The following COL4A6 variants were observed in gnomAD, a reference collection of about 807,000 sequenced individuals.
COL4A6 encodes collagen alpha-6(IV) chain.
Under a neutral mutation model 126.7 loss-of-function variants are expected in COL4A6, and 59 were observed. That is an observed-to-expected ratio of 0.47 (90% CI 0.38 to 0.58). The LOEUF (loss-of-function observed/expected upper bound fraction) is 0.58, where lower values mean the gene tolerates loss of function less well. Among genes scored for constraint, COL4A6 ranks in the 20% least tolerant of loss-of-function variants. COL4A6 has a pLI of 0.00. For missense variants in COL4A6, 1,285 were observed against 1,337.3 expected, an observed-to-expected ratio of 0.96 and a Z score of 0.61; for synonymous variants, 547 against 496.6, an observed-to-expected ratio of 1.10 and a Z score of -1.35.
chrX:108,218,497 C>T (rs778512372), intron 5 of COL4A6, among the ~76,000 whole-genome samples: 12 of 112,190 alleles, frequency 1.1e-4, no homozygotes, highest in African/African-American at 2.3e-4. Flanking sequence ...GCAACAGATA[C>T]GAGGTAAGTG....
At chrX:108,269,015 T>C (rs1022782977) in intron 3 of COL4A6, 1 of 317,760 alleles carries the variant, frequency 3.1e-6, no homozygotes, top group African/African-American at 2.7e-5. Flanking sequence ...CATAGAAGTA[T>C]GGGGAAAGAG....
At chrX:108,251,786 A>G (rs1036083198) in intron 3 of COL4A6, among the ~76,000 whole-genome samples, 4 of 111,851 alleles carry the variant, frequency 3.6e-5, no homozygotes, top group African/African-American at 1.3e-4. Flanking sequence ...TCTACAGTGT[A>G]TGGTTATGAC....
intron 9 of COL4A6, 69 bp from the exon 10 acceptor site, chrX:108,205,764 TGA>T: frequency 1.1e-6 from 1 of 912,803 alleles, no homozygotes; most frequent in Non-Finnish European, 1.6e-6. Context: ...CACGGCATGT[TGA>T]GAGTCACTCC....
At chrX:108,295,346 T>A (rs1045131656) in intron 3 of COL4A6, among the ~76,000 whole-genome samples, 5 of 112,104 alleles carry the variant, frequency 4.5e-5, no homozygotes, top group Non-Finnish European at 5.6e-5. Context: ...AGATGGATAC[T>A]GAAGGATCTT....
At chrX:108,218,477 G>A (rs182897938) in intron 5 of COL4A6, among the ~76,000 whole-genome samples, 6 of 112,489 alleles carry the variant, frequency 5.3e-5, no homozygotes, top group African/African-American at 1.6e-4. Flanking sequence ...TGGCCGATTT[G>A]TTGATACATG....
At chrX:108,332,660 C>T (rs1238531656) in intron 2 of COL4A6, among the ~76,000 whole-genome samples, 1 of 110,619 alleles carries the variant, frequency 9.0e-6, no homozygotes, top group African/African-American at 3.3e-5. Flanking sequence ...TTGAAAAAAT[C>T]ATTTGTTCAT....
intron 2 of COL4A6, among the ~76,000 whole-genome samples, chrX:108,381,858 C>T (rs16985465): frequency 0.079 from 8,789 of 110,848 alleles, 760 homozygotes; most frequent in African/African-American, 0.25. Context: ...TAGTAATAAC[C>T]GATATTTGAA....
At chrX:108,193,573 T>C in intron 17 of COL4A6, 55 bp downstream of exon 17, 2 of 956,126 alleles carry the variant, frequency 2.1e-6, no homozygotes, top group Middle Eastern at 5.2e-4. Context: ...TTACAGGGGA[T>C]ATAGGATTTA....
intron 2 of COL4A6, among the ~76,000 whole-genome samples, chrX:108,420,638 T>C (rs1225741158): frequency 8.9e-6 from 1 of 111,875 alleles, no homozygotes; most frequent in East Asian, 2.8e-4. Flanking sequence ...TGAACAAAAG[T>C]ATGTCACTGT....
At position 108,188,622 on chromosome X, in the gene COL4A6, C is replaced by T. The variant is rs1471669109; in HGVS notation, c.1482G>A (p.Gly494=). The T allele has an allele frequency of 1.1e-5, 13 of 1,193,988 alleles. No individual in the cohort carries two copies. Among genetic ancestry groups the T allele is most frequent in the African/African-American group, 1.8e-5 (1 of 56,600 alleles). ...DGGVPNTGPP[G]EPGPPGPWGL... is the part of the protein sequence containing the mutation. ...CCCATGGACCAGGTGGGCCTGGTTC[C>T]CCGGGTGGTCCAGTGTTGGGAACAC... The change falls in exon 21 of 45, where the codon GGG becomes GGA. Residue 494 remains glycine, a synonymous_variant. Coordinates refer to ENST00000334504, the MANE Select transcript of COL4A6 (RefSeq NM_033641.4).
chrX:108,260,939 T>C (rs1358009645), intron 3 of COL4A6, among the ~76,000 whole-genome samples: 2 of 110,851 alleles, frequency 1.8e-5, no homozygotes, highest in Non-Finnish European at 3.8e-5. Context: ...TCAGGAGTTG[T>C]GCATTTTGAA....
intron 3 of COL4A6, among the ~76,000 whole-genome samples, chrX:108,259,058 T>C (rs958258240): frequency 1.8e-5 from 2 of 111,033 alleles, no homozygotes; most frequent in Non-Finnish European, 1.9e-5. Flanking sequence ...GTAAGAGGAG[T>C]AAATTATTAG....
intron 2 of COL4A6, among the ~76,000 whole-genome samples, chrX:108,345,757 A>G (rs896719565): frequency 9.9e-5 from 11 of 111,589 alleles, no homozygotes; most frequent in African/African-American, 3.3e-4. Context: ...CTCCTATAGC[A>G]TGATGTTAAT....
chrX:108,214,534 G>A (rs2035805458), intron 5 of COL4A6, among the ~76,000 whole-genome samples: 1 of 112,181 alleles, frequency 8.9e-6, no homozygotes, highest in Admixed American at 9.4e-5. Context: ...ATACAAAGAT[G>A]TACTAAAATT....
chrX:108,243,963 G>A (rs1292542386), intron 3 of COL4A6, among the ~76,000 whole-genome samples: 3 of 111,875 alleles, frequency 2.7e-5, no homozygotes, highest in Non-Finnish European at 3.8e-5. Context: ...AAAGGACAGC[G>A]GTCACATTTT....
At chrX:108,275,632 G>T (rs985394892) in intron 3 of COL4A6, among the ~76,000 whole-genome samples, 1 of 112,681 alleles carries the variant, frequency 8.9e-6, no homozygotes, top group African/African-American at 3.2e-5. Flanking sequence ...ATTCTAACTG[G>T]GCAATTGGGG....
chrX:108,242,874 C>T (rs1247835142), intron 3 of COL4A6, among the ~76,000 whole-genome samples: 1 of 111,311 alleles, frequency 9.0e-6, no homozygotes, highest in Non-Finnish European at 1.9e-5. Context: ...ACTGCACAGT[C>T]AAGCACCTTG....
chrX:108,209,994 C>T lies in COL4A6; in HGVS notation c.521G>A (p.Gly174Glu). 8.3e-7 allele frequency: 1 copy of T among 1,208,979 alleles called. No individual in the cohort carries two copies. Residue 174 changes from glycine (G) to glutamate (E), a missense_variant, in exon 8 of 45, where the codon GGG (glycine) becomes GAG (glutamate). Physicochemically the swap from Gly to Glu is moderately conservative, Grantham distance 98. Coordinates refer to ENST00000334504, the MANE Select transcript of COL4A6 (RefSeq NM_033641.4). ...AGTGATTCCATCCAGTCCAGGCAGC[C>T]CAGGATCCCCCTGAGAAACAAAGGC... The part of the protein sequence containing the change: ...GSFKGMKGDP[G>E]LPGLDGITGP...
chrX:108,185,162 C>T lies in COL4A6; in HGVS notation c.1951+1934G>A, dbSNP rs749490540. 5.5e-4 allele frequency among the ~76,000 whole-genome samples: 61 copies of T among 110,923 alleles called. 2 individuals are homozygous for T. In the South Asian group the frequency reaches 0.022, roughly 40 times the overall value. On this transcript the variant is annotated intron_variant, in intron 23 of 44. Transcript: ENST00000334504. ...ATCCCAGCATTTTGAGAGGCCAACG[C>T]GGGTGGATCACTTGAGGTCAGGAGT...
Sources: allele counts gnomAD v4.1 joint callset (sites outside exome capture counted in the v4.1 genomes callset), GRCh38; gene constraint gnomAD v4.1.1; transcripts MANE v1.5; gene names NCBI Gene and HGNC (gene_info 2026-07-23, HGNC 2026-07-21).